SPAG16: variants seen among roughly 807,000 people sequenced by gnomAD.
The protein encoded by SPAG16 is sperm-associated antigen 16 protein.
In SPAG16, 86 loss-of-function variants were observed where a neutral mutation model predicts 80.4. The observed-to-expected ratio is 1.07, with a 90% CI of 0.90 to 1.28. The LOEUF (loss-of-function observed/expected upper bound fraction) is 1.28. Ranked by LOEUF, SPAG16 falls within the 50% of genes most tolerant of loss-of-function variation. The pLI is 0.00. For missense variants in SPAG16, 870 were observed against 765.3 expected (o/e 1.14, Z -1.61); for synonymous variants, 294 against 265.9 (o/e 1.11, Z -1.03).
intron 15 of SPAG16, among the ~76,000 whole-genome samples, chr2:214,349,301 A>C (rs1435507317): frequency 6.6e-6 from 1 of 152,248 alleles, no homozygotes; most frequent in Admixed American, 6.5e-5. Flanking sequence ...ATGTAGGAAA[A>C]CTATAGATTC....
intron 3 of SPAG16, among the ~76,000 whole-genome samples, chr2:213,298,254 A>G (rs938991397): frequency 2.0e-5 from 3 of 152,208 alleles, no homozygotes; most frequent in Admixed American, 6.5e-5. Context: ...AGTAAATGAC[A>G]TTCTCTAATG....
At chr2:213,404,987 T>G (rs1227115680) in intron 9 of SPAG16, among the ~76,000 whole-genome samples, 1 of 152,204 alleles carries the variant, frequency 6.6e-6, no homozygotes, top group East Asian at 1.9e-4. Context: ...GTTTTGGCAT[T>G]TGGCAACATA....
chr2:214,255,858 A>G (rs914614409), intron 15 of SPAG16, among the ~76,000 whole-genome samples: 5 of 152,050 alleles, frequency 3.3e-5, no homozygotes, highest in African/African-American at 1.2e-4. Context: ...TTTACGAATT[A>G]CGCTATTAAT....
chr2:213,660,319 G>A (rs921090137), intron 10 of SPAG16, among the ~76,000 whole-genome samples: 1 of 148,316 alleles, frequency 6.7e-6, no homozygotes, highest in Admixed American at 6.8e-5. Flanking sequence ...TGCCAGGCTT[G>A]AGTGCCGTGG....
intron 10 of SPAG16, among the ~76,000 whole-genome samples, chr2:213,642,949 A>C (rs1008980593): frequency 1.3e-5 from 2 of 150,960 alleles, no homozygotes; most frequent in Admixed American, 6.6e-5. Flanking sequence ...TGGAACTCAG[A>C]CTGGCTTTCC....
chr2:213,634,726 A>G (rs556475721), intron 10 of SPAG16, among the ~76,000 whole-genome samples: 33 of 152,138 alleles, frequency 2.2e-4, no homozygotes, highest in Non-Finnish European at 4.0e-4. Context: ...ACTGTACCCA[A>G]GATGTAGACT....
At chr2:214,115,118 G>A (rs916136446) in intron 14 of SPAG16, among the ~76,000 whole-genome samples, 1 of 152,040 alleles carries the variant, frequency 6.6e-6, no homozygotes, top group African/African-American at 2.4e-5. Flanking sequence ...TTGTTATGAT[G>A]ACTGACATTT....
chr2:214,012,064 C>T (rs996754024), intron 12 of SPAG16, among the ~76,000 whole-genome samples: 7 of 151,448 alleles, frequency 4.6e-5, no homozygotes, highest in South Asian at 2.1e-4. Context: ...TAAAGTTAAA[C>T]GGTTACCATG....
intron 10 of SPAG16, among the ~76,000 whole-genome samples, chr2:213,555,823 A>G (rs1427337700): frequency 6.6e-6 from 1 of 152,228 alleles, no homozygotes; most frequent in Non-Finnish European, 1.5e-5. Context: ...ATGTAATAAT[A>G]CTGTGTGAAT....
chr2:213,966,228 T>G (rs1254697274), intron 12 of SPAG16, among the ~76,000 whole-genome samples: 3 of 152,084 alleles, frequency 2.0e-5, no homozygotes, highest in Non-Finnish European at 4.4e-5. Context: ...GCCTGAGGGG[T>G]CTGAGAACAA....
chr2:213,683,116 C>T (rs369732583), intron 10 of SPAG16, among the ~76,000 whole-genome samples: 14 of 152,260 alleles, frequency 9.2e-5, no homozygotes, highest in African/African-American at 3.4e-4. Flanking sequence ...TGATTAAACA[C>T]AGCTCTTGAT....
intron 5 of SPAG16, among the ~76,000 whole-genome samples, chr2:213,329,994 C>T (rs967838594): frequency 3.3e-5 from 5 of 152,212 alleles, no homozygotes; most frequent in Admixed American, 2.0e-4. Flanking sequence ...GTTGAGCCTG[C>T]AGGTGCATGG....
intron 12 of SPAG16, among the ~76,000 whole-genome samples, chr2:213,940,484 G>A (rs1011903686): frequency 7.2e-5 from 11 of 152,126 alleles, no homozygotes; most frequent in African/African-American, 2.7e-4. Flanking sequence ...TTTAGGAATA[G>A]CGTTCTCCTT....
intron 10 of SPAG16, among the ~76,000 whole-genome samples, chr2:213,696,652 T>TA (rs1559384105): frequency 6.6e-6 from 1 of 152,028 alleles, no homozygotes; most frequent in Non-Finnish European, 1.5e-5. Context: ...TTGCCAGAGC[T>TA]AAAAAAGAAA....
At chr2:213,737,008 A>G (rs190615464) in intron 10 of SPAG16, among the ~76,000 whole-genome samples, 6 of 152,288 alleles carry the variant, frequency 3.9e-5, no homozygotes, top group African/African-American at 9.6e-5. Context: ...GCCCAGCCCA[A>G]TGCTGTTGAT....
chr2:213,520,605 G>T (rs2075624127), intron 10 of SPAG16, among the ~76,000 whole-genome samples: 1 of 151,942 alleles, frequency 6.6e-6, no homozygotes, highest in Admixed American at 6.6e-5. Flanking sequence ...AAAAAGACAA[G>T]ATAAATCTCT....
At chr2:214,340,497 G>A (rs529495343) in intron 15 of SPAG16, among the ~76,000 whole-genome samples, 5 of 152,266 alleles carry the variant, frequency 3.3e-5, no homozygotes, top group Middle Eastern at 3.4e-3. Context: ...AGAGGGAGAG[G>A]AATATGGATG....
intron 9 of SPAG16, among the ~76,000 whole-genome samples, chr2:213,415,719 T>C (rs2069215871): frequency 6.6e-6 from 1 of 152,176 alleles, no homozygotes; most frequent in Non-Finnish European, 1.5e-5. Flanking sequence ...GAGAGGATAT[T>C]ATTAATTGGT....
chr2:213,524,692 G>A (rs528362565), intron 10 of SPAG16, among the ~76,000 whole-genome samples: 29 of 152,358 alleles, frequency 1.9e-4, no homozygotes, highest in African/African-American at 6.7e-4. Flanking sequence ...CATGGGGCAT[G>A]TAGCCCCTTC....
Sources: allele counts gnomAD v4.1 joint callset (sites outside exome capture counted in the v4.1 genomes callset), GRCh38; gene constraint gnomAD v4.1.1; transcripts MANE v1.5; gene names NCBI Gene and HGNC (gene_info 2026-07-23, HGNC 2026-07-21).